GPHN: variants seen among roughly 807,000 people sequenced by gnomAD.
The protein encoded by GPHN is gephyrin.
GPHN carries 17 observed loss-of-function variants against 95.5 expected under a neutral mutation model. The ratio of observed to expected loss-of-function variants is 0.18; its 90% CI spans 0.12 to 0.27. GPHN has a LOEUF of 0.27. GPHN is among the 10% of genes least tolerant of loss of function. The pLI, the probability that GPHN is intolerant of heterozygous loss-of-function variation, is 1.00. For missense variants in GPHN, 660 were observed against 978.1 expected (o/e 0.67, Z 4.34); for synonymous variants, 320 against 322.5 (o/e 0.99, Z 0.08).
At chr14:66,855,705 G>GT in intron 4 of GPHN, among the ~76,000 whole-genome samples, 1 of 152,114 alleles carries the variant, frequency 6.6e-6, no homozygotes, top group East Asian at 1.9e-4. Flanking sequence ...AAATTAAACT[G>GT]TTTAAGAGTT....
At chr14:66,725,156 G>A (rs558792507) in intron 2 of GPHN, among the ~76,000 whole-genome samples, 3 of 152,276 alleles carry the variant, frequency 2.0e-5, no homozygotes, top group Admixed American at 6.5e-5. Context: ...TTTGAGCCAG[G>A]AAGAAAGCCC....
rs2153558119 is a variant in GPHN at position 66,916,143 on chromosome 14, G to A, written c.456+74G>A. 9.7e-6 allele frequency: 9 copies of A among 928,512 alleles called. No homozygotes were observed. The South Asian group carries it at 1.2e-4, about 12-fold the overall frequency. The allele number at this position is 928,512 out of a possible 1,614,324, so 57.5% of individuals were successfully genotyped here. A position where few individuals can be genotyped will look rare whatever the true frequency, so the allele number is the denominator to read the frequency against. On this transcript the variant is annotated intron_variant, in intron 6 of 22. Transcript: ENST00000478722. ...GCCGTGAAAGTTAGCCAGCCAAAAA[G>A]TTGGAGCACTCCACAAGACTGCCCT...
At chr14:67,281,232 T>A in the GPHN span, among the ~76,000 whole-genome samples, 9 of 152,262 alleles carry the variant, frequency 5.9e-5, no homozygotes, top group Admixed American at 3.3e-4. Flanking sequence ...TCACATCATC[T>A]TCTTTTCTTT....
intron 1 of GPHN, among the ~76,000 whole-genome samples, chr14:66,568,775 T>C (rs1008979718): frequency 6.6e-6 from 1 of 152,102 alleles, no homozygotes; most frequent in Admixed American, 6.5e-5. Flanking sequence ...CAAACATATC[T>C]TTTCTGCTTC....
At chr14:67,165,874 A>G (rs1191392921) in intron 20 of GPHN, among the ~76,000 whole-genome samples, 1 of 152,198 alleles carries the variant, frequency 6.6e-6, no homozygotes, top group Non-Finnish European at 1.5e-5. Flanking sequence ...ATGATTTTCA[A>G]ATTCAAATTT....
At chr14:67,622,382 G>A in the GPHN span, among the ~76,000 whole-genome samples, 6 of 152,176 alleles carry the variant, frequency 3.9e-5, no homozygotes, top group Admixed American at 3.3e-4. Context: ...CACTGAAACA[G>A]CCTTGAGTTG....
chr14:67,579,885 C>T, the GPHN span: 449,777 of 1,587,174 alleles, frequency 0.28, 66,258 homozygotes, highest in Non-Finnish European at 0.29. Context: ...AGGTGACAGC[C>T]TCCCACTAAG....
chr14:67,119,429 A>G (rs2078881386), intron 16 of GPHN, among the ~76,000 whole-genome samples: 1 of 152,182 alleles, frequency 6.6e-6, no homozygotes, highest in Non-Finnish European at 1.5e-5. Context: ...GTCAAGGAAG[A>G]GATGGATTAG....
chr14:66,914,061 A>T (rs2153557241), intron 5 of GPHN, among the ~76,000 whole-genome samples: 1 of 152,246 alleles, frequency 6.6e-6, no homozygotes, highest in Non-Finnish European at 1.5e-5. Flanking sequence ...AGTAAAAAAA[A>T]AAATTGATGG....
the GPHN span, among the ~76,000 whole-genome samples, chr14:67,535,977 A>C: frequency 6.6e-6 from 1 of 152,232 alleles, no homozygotes; most frequent in Non-Finnish European, 1.5e-5. Flanking sequence ...AAAGAAGTTA[A>C]GCAAATGGCT....
At chr14:66,647,279 A>G (rs939069376) in intron 1 of GPHN, among the ~76,000 whole-genome samples, 34 of 149,210 alleles carry the variant, frequency 2.3e-4, no homozygotes, top group African/African-American at 7.9e-4. Context: ...GATCATGCCA[A>G]CCCTTTAAAG....
chr14:67,113,804 C>T (rs551772405), intron 16 of GPHN, among the ~76,000 whole-genome samples: 96 of 152,108 alleles, frequency 6.3e-4, no homozygotes, highest in Non-Finnish European at 1.1e-3. Flanking sequence ...CTTCCTATTG[C>T]TTGTTTTGCT....
Position 66,532,125 on chromosome 14 carries a change from G to A in GPHN, c.64+23534G>A, listed in dbSNP as rs184708692. Among the ~76,000 whole-genome samples the A allele has an allele frequency of 1.7e-3, 265 of 152,302 alleles. 1 individual carries two copies. The highest frequency in any genetic ancestry group is 6.1e-3 in the African/African-American group (253 of 41,554). On this transcript the variant is annotated intron_variant, in intron 1 of 22. Transcript: ENST00000478722. ...ATTCCAAGTTACCTGCATGTGAATC[G>A]AACTTTTATATTAGTTAACATTTGC...
intron 11 of GPHN, among the ~76,000 whole-genome samples, chr14:67,081,057 G>A (rs755681548): frequency 1.1e-4 from 16 of 152,164 alleles, no homozygotes; most frequent in Non-Finnish European, 2.1e-4. Flanking sequence ...TGCAAATTGT[G>A]CTGCTATAAA....
At chr14:66,572,402 T>A (rs1355224477) in intron 1 of GPHN, among the ~76,000 whole-genome samples, 1 of 152,202 alleles carries the variant, frequency 6.6e-6, no homozygotes, top group Non-Finnish European at 1.5e-5. Flanking sequence ...TCAATTTTTC[T>A]GTGTCTTAAA....
At chr14:67,325,776 A>C in the GPHN span, among the ~76,000 whole-genome samples, 1 of 151,860 alleles carries the variant, frequency 6.6e-6, no homozygotes, top group Non-Finnish European at 1.5e-5. Context: ...ATGAAGGGCC[A>C]TAGACCATTC....
intron 2 of GPHN, among the ~76,000 whole-genome samples, chr14:66,722,411 A>G (rs2070840030): frequency 1.3e-5 from 2 of 150,870 alleles, no homozygotes; most frequent in Admixed American, 6.6e-5. Flanking sequence ...CTAATATGGC[A>G]TGTGTTCTAT....
At chr14:66,765,722 A>G (rs1043110778) in intron 2 of GPHN, among the ~76,000 whole-genome samples, 3 of 152,048 alleles carry the variant, frequency 2.0e-5, no homozygotes, top group Non-Finnish European at 4.4e-5. Flanking sequence ...CGCACAATTT[A>G]CCTATATGAC....
chr14:66,604,289 T>C (rs1486341706), intron 1 of GPHN, among the ~76,000 whole-genome samples: 1 of 152,152 alleles, frequency 6.6e-6, no homozygotes, highest in Non-Finnish European at 1.5e-5. Context: ...ATTTAATGCT[T>C]TTGTTTTTTT....
Sources: allele counts gnomAD v4.1 joint callset (sites outside exome capture counted in the v4.1 genomes callset), GRCh38; gene constraint gnomAD v4.1.1; transcripts MANE v1.5; gene names NCBI Gene and HGNC (gene_info 2026-07-23, HGNC 2026-07-21).